Variants in USF2 observed in about 807,000 individuals in gnomAD.
USF2 encodes upstream stimulatory factor 2.
Under a neutral mutation model 46.9 loss-of-function variants are expected in USF2, and 16 were observed. The ratio of observed to expected loss-of-function variants is 0.34; its 90% confidence interval spans 0.23 to 0.52. USF2 has a LOEUF of 0.52. Ranked by LOEUF, USF2 falls within the 20% of genes least tolerant of loss-of-function variation. The probability of loss-of-function intolerance (pLI) is 0.96; values close to 1 mark genes in which losing one functional copy is unlikely to be tolerated. For synonymous variants in USF2, 239 were observed against 194.1 expected (o/e 1.23, Z -1.92); for missense variants, 411 against 474.0 (o/e 0.87, Z 1.23).
intron 4 of USF2, chr19:35,270,242 G>A (rs2145568987): frequency 1.1e-6 from 1 of 928,312 alleles, no homozygotes; most frequent in Non-Finnish European, 1.6e-6. Context: ...TTCTTAGAGT[G>A]CGAAACGGAT....
intron 6 of USF2, 27 bp from the exon 7 acceptor site, chr19:35,271,056 C>T (rs775961856): frequency 3.1e-6 from 5 of 1,613,420 alleles, no homozygotes; most frequent in Non-Finnish European, 4.2e-6. Flanking sequence ...ATAATACATG[C>T]CCCCTTTTTT....
At chr19:35,274,276 C>T (rs2066201368) in intron 7 of USF2, among the ~76,000 whole-genome samples, 1 of 152,218 alleles carries the variant, frequency 6.6e-6, no homozygotes. Flanking sequence ...GTCACAGCTG[C>T]CCAAGCCAGA....
chr19:35,278,587 T>G, intron 7 of USF2, 111 bp from the exon 8 acceptor site: 1 of 1,083,174 alleles, frequency 9.2e-7, no homozygotes, highest in Non-Finnish European at 1.4e-6. Flanking sequence ...GTGGTCTCGG[T>G]GGGGCCTGCA....
chr19:35,274,157 A>C (rs922778372), intron 7 of USF2, among the ~76,000 whole-genome samples: 2 of 152,190 alleles, frequency 1.3e-5, no homozygotes, highest in African/African-American at 4.8e-5. Context: ...GTCTCTGGAC[A>C]TCCCTGTAAT....
chr19:35,269,150 G>C lies in USF2; in HGVS notation c.49G>C (p.Ala17Pro). The change falls in exon 1 of 10, where the codon GCT becomes CCT. Residue 17 changes from alanine to proline, a missense_variant. By Grantham distance (27) the Ala-to-Pro change is conservative (BLOSUM62 -1). This residue lies in a region of USF2 where 318 missense variants were observed against 322.4 expected (regional missense o/e 0.99). Coordinates refer to ENST00000222305, the MANE Select transcript of USF2 (RefSeq NM_003367.4). ...GGATCCCGCTGCCTCGGCCACCGCT[G>C]CTGCCGCCGCCAGGTAAGATCCCCG... is the stretch of plus-strand genomic sequence containing the variant. ...GLDPAASATA[A>P]AAASHDKGPE... 1 of 1,015,706 alleles carries C rather than the reference G, an allele frequency of 9.8e-7. No individual in the cohort carries two copies. Among genetic ancestry groups the C allele is most frequent in the Non-Finnish European group, 1.2e-6 (1 of 847,168 alleles). 62.9% of individuals were successfully genotyped at this position (1,015,706 alleles called of 1,614,324 possible).
intron 7 of USF2, among the ~76,000 whole-genome samples, chr19:35,276,202 G>A (rs924205562): frequency 6.7e-6 from 1 of 150,254 alleles, no homozygotes; most frequent in Admixed American, 6.7e-5. Context: ...CTCCCAAGTC[G>A]CTGGGATTAT....
At chr19:35,269,780 C>A in intron 3 of USF2, 23 bp from the exon 4 acceptor site, 1 of 1,489,448 alleles carries the variant, frequency 6.7e-7, no homozygotes. Flanking sequence ...GCGCCGGCCT[C>A]GCCGCTCTGC....
Position 35,279,390 on chromosome 19 carries a change from G to A in USF2, c.*134G>A, listed in dbSNP as rs1468112133. On this transcript the variant is annotated 3_prime_UTR_variant, in exon 10 of 10. Transcript: ENST00000222305. ...TTATAGTAGATTTTTAACAAAAAAC[G>A]GGGAGAAATAATGCATTTCTGTGGA... is the stretch of plus-strand genomic sequence containing the variant. 8.0e-6 allele frequency: 8 copies of A among 997,038 alleles called. No homozygotes were observed. Among genetic ancestry groups the A allele is most frequent in the Admixed American group, 3.4e-5 (1 of 29,596 alleles). 61.8% of individuals were successfully genotyped at this position (997,038 alleles called of 1,614,324 possible).
chr19:35,269,525 A>G, intron 2 of USF2, 33 bp downstream of exon 2: 1 of 1,541,786 alleles, frequency 6.5e-7, no homozygotes, highest in Non-Finnish European at 8.7e-7. Context: ...GCGCCCGGGG[A>G]GGGCTGGGGG....
At chr19:35,271,038 G>A (rs758580861) in intron 6 of USF2, 45 bp from the exon 7 acceptor site, 1 of 1,607,938 alleles carries the variant, frequency 6.2e-7, no homozygotes, top group African/African-American at 1.3e-5. Flanking sequence ...TGGGCAAACA[G>A]CTCTGCGATA....
chr19:35,271,627 C>T (rs2066158298), intron 7 of USF2, among the ~76,000 whole-genome samples: 1 of 152,232 alleles, frequency 6.6e-6, no homozygotes, highest in Non-Finnish European at 1.5e-5. Flanking sequence ...GAGCATCCTG[C>T]CCTTTCCAGA....
At chr19:35,273,481 C>T (rs919963218) in intron 7 of USF2, among the ~76,000 whole-genome samples, 13 of 152,124 alleles carry the variant, frequency 8.5e-5, no homozygotes, top group Admixed American at 2.6e-4. Flanking sequence ...ATGGGGGTGC[C>T]GGGGAATCTG....
rs542575676 is a variant in USF2 at position 35,271,249 on chromosome 19, A to G, written c.727+108A>G. On this transcript the variant is annotated intron_variant, in intron 7 of 9. Coordinates refer to ENST00000222305, the MANE Select transcript of USF2 (RefSeq NM_003367.4). ...GAGAAGCCACTCCTGGGCAGGCCAC[A>G]AGTGCTCCAGAGGGCTTTGCTGGAC... is the stretch of plus-strand genomic sequence containing the variant. 1,921 of 1,356,456 alleles carry G rather than the reference A, an allele frequency of 1.4e-3. 5 individuals are homozygous for G. Among genetic ancestry groups the G allele is most frequent in the Non-Finnish European group, 1.8e-3 (1,781 of 965,622 alleles). 84.0% of individuals were successfully genotyped at this position (1,356,456 alleles called of 1,614,324 possible).
At position 35,269,578 on chromosome 19, in the gene USF2, C is replaced by CA; in HGVS notation, c.110-2dup. 6.3e-7 allele frequency: 1 copy of CA among 1,582,826 alleles called. No individual in the cohort carries two copies. The highest frequency in any genetic ancestry group is 1.1e-5 in the South Asian group (1 of 87,160). ...ACCGTGCCCCGACCCTCCTCGGCCCCAGGCGGGGACGGCCCAGGAGCGGAG... is the reference window on the plus strand; with the variant it reads ...ACCGTGCCCCGACCCTCCTCGGCCCCAAGGCGGGGACGGCCCAGGAGCGGAG... On this transcript the variant is annotated splice_region_variant and splice_polypyrimidine_tract_variant and intron_variant, in intron 2 of 9. Coordinates refer to ENST00000222305, the MANE Select transcript of USF2 (RefSeq NM_003367.4).
intron 4 of USF2, 137 bp from the exon 5 acceptor site, chr19:35,270,310 G>A (rs1268781674): frequency 8.9e-5 from 117 of 1,315,176 alleles, no homozygotes; most frequent in Non-Finnish European, 9.8e-5. Context: ...TGAAACACAG[G>A]ACAGAATGCT....
In USF2 at chr19:35,269,593, C is replaced by A. The variant is rs2066113812; in HGVS notation, c.122C>A (p.Pro41Gln). The A allele has an allele frequency of 6.3e-7, 1 of 1,592,364 alleles. No individual in the cohort carries two copies. The change falls in exon 3 of 10, where the codon CCA becomes CAA. Residue 41 changes from proline (P) to glutamine (Q), a missense_variant. Pro to Gln is a moderately conservative substitution (Grantham distance 76). Around this residue, in one of 2 missense-constraint regions of USF2, gnomAD observed 318 missense variants for 322.4 expected, o/e 0.99. Transcript: ENST00000222305. ...GVELQEGGDG[P>Q]GAEEQTAVAI... Reference sequence around the variant, plus strand: ...TCCTCGGCCCCAGGCGGGGACGGCCCAGGAGCGGAGGAGCAGACAGCGGTG... The same window carrying A: ...TCCTCGGCCCCAGGCGGGGACGGCCAAGGAGCGGAGGAGCAGACAGCGGTG...
chr19:35,278,513 C>T (rs2066265269), intron 7 of USF2, 185 bp from the exon 8 acceptor site: 1 of 632,888 alleles, frequency 1.6e-6, no homozygotes. Context: ...TTTCTTTGTT[C>T]CTCTTGAGAA....
chr19:35,270,934 C>T lies in USF2; in HGVS notation c.668+129C>T, dbSNP rs144985118. On this transcript the variant is annotated intron_variant, in intron 6 of 9. Transcript: ENST00000222305. ...TGTTTTTTTTCTTTGCCTGTTTCTG[C>T]TGCTCTAGTGCACATAAAGTATCAT... is the stretch of plus-strand genomic sequence containing the variant. The T allele has an allele frequency of 4.5e-4, 645 of 1,422,514 alleles. 2 individuals are homozygous for T. The African/African-American group carries it at 8.3e-3, about 18-fold the overall frequency. The allele number at this position is 1,422,514 out of a possible 1,614,324, so 88.1% of individuals were successfully genotyped here.
Position 35,269,836 on chromosome 19 carries a change from C to A in USF2, c.262C>A (p.Gln88Lys). 6.9e-7 allele frequency: 1 copy of A among 1,450,786 alleles called. No homozygotes were observed. The highest frequency in any genetic ancestry group is 9.0e-7 in the Non-Finnish European group (1 of 1,110,706). 89.9% of individuals were successfully genotyped at this position (1,450,786 alleles called of 1,614,324 possible). The change falls in exon 4 of 10, where the codon CAG becomes AAG. Residue 88 changes from glutamine to lysine, a missense_variant. Gln to Lys is a moderately conservative substitution (Grantham distance 53, BLOSUM62 1). Around this residue, in one of 2 missense-constraint regions of USF2, gnomAD observed 318 missense variants for 322.4 expected, o/e 0.99. Coordinates refer to ENST00000222305, the MANE Select transcript of USF2 (RefSeq NM_003367.4). ...CCGCGTAGTCCAGGTGACTGATGGT[C>A]AGCTGGACGGCCAGGGCGACACAGC... ...TYRVVQVTDG[Q>K]LDGQGDTAGA...
Sources: gnomAD v4.1 joint callset for allele counts (sites outside exome capture counted in the v4.1 genomes callset) on GRCh38, gnomAD v4.1.1 for gene constraint, gnomAD v4.1.1 regional missense constraint, MANE v1.5 for transcripts, NCBI Gene and HGNC (gene_info 2026-07-23, HGNC 2026-07-21) for gene names.